EZR: variants seen among roughly 807,000 people sequenced by gnomAD.
The protein encoded by EZR is cytovillin 2.
Under a neutral mutation model 74.8 loss-of-function variants are expected in EZR, and 40 were observed. That is an observed-to-expected ratio of 0.53 (90% confidence interval 0.42 to 0.70). The LOEUF (loss-of-function observed/expected upper bound fraction) is 0.70. Ranked by LOEUF, EZR falls within the 30% of genes least tolerant of loss-of-function variation. The pLI is 0.00. For missense variants in EZR, 678 were observed against 755.8 expected, an observed-to-expected ratio of 0.90 and a Z score of 1.21; for synonymous variants, 341 against 283.3, an observed-to-expected ratio of 1.20 and a Z score of -2.05.
At chr6:158,778,006 A>C (rs911687576) in intron 7 of EZR, among the ~76,000 whole-genome samples, 2 of 152,166 alleles carry the variant, frequency 1.3e-5, no homozygotes, top group African/African-American at 4.8e-5. Flanking sequence ...TCAGAGCATT[A>C]AAGGGGAACT....
chr6:158,801,304 G>A (rs951923444), intron 2 of EZR, among the ~76,000 whole-genome samples: 1 of 152,070 alleles, frequency 6.6e-6, no homozygotes, highest in African/African-American at 2.4e-5. Context: ...TGGTAGAGAC[G>A]GGGTTTCACC....
intron 7 of EZR, among the ~76,000 whole-genome samples, chr6:158,779,518 G>A (rs539029645): frequency 6.6e-6 from 1 of 152,250 alleles, no homozygotes; most frequent in South Asian, 2.1e-4. Flanking sequence ...AAGGGTATAT[G>A]GGAATTATTT....
At chr6:158,769,704 T>C in intron 11 of EZR, 80 bp downstream of exon 11, 4 of 1,552,494 alleles carry the variant, frequency 2.6e-6, no homozygotes, top group Non-Finnish European at 2.6e-6. Context: ...TGACAATTAT[T>C]ACAAGGCAGG....
At chr6:158,787,645 C>T (rs1363246918) in intron 3 of EZR, among the ~76,000 whole-genome samples, 1 of 152,198 alleles carries the variant, frequency 6.6e-6, no homozygotes, top group African/African-American at 2.4e-5. Flanking sequence ...CACACCTGAG[C>T]CTCCTCTGGC....
chr6:158,771,935 G>A (rs1791123736), intron 8 of EZR, among the ~76,000 whole-genome samples: 1 of 152,108 alleles, frequency 6.6e-6, no homozygotes, highest in Non-Finnish European at 1.5e-5. Context: ...CTCCCACACT[G>A]TTATTGCTAC....
At chr6:158,814,016 G>A (rs1777501030) in intron 2 of EZR, among the ~76,000 whole-genome samples, 1 of 152,138 alleles carries the variant, frequency 6.6e-6, no homozygotes, top group Non-Finnish European at 1.5e-5. Flanking sequence ...ACATGAAGGG[G>A]CGGGCAGAGA....
chr6:158,818,027 C>A, intron 2 of EZR, 55 bp downstream of exon 2: 1 of 1,579,426 alleles, frequency 6.3e-7, no homozygotes, highest in South Asian at 1.1e-5. Context: ...GCAGGTGCCT[C>A]CCCTCTCCAA....
chr6:158,783,943 G>T (rs1407426534), intron 6 of EZR, among the ~76,000 whole-genome samples: 1 of 152,164 alleles, frequency 6.6e-6, no homozygotes, highest in African/African-American at 2.4e-5. Flanking sequence ...TTCTCTAACA[G>T]GTTTTTAAGT....
At chr6:158,817,965 C>T in intron 2 of EZR, 117 bp downstream of exon 2, 6 of 985,134 alleles carry the variant, frequency 6.1e-6, no homozygotes, top group South Asian at 1.8e-5. Flanking sequence ...TTCCTATCGT[C>T]TTCTGCGTGT....
chr6:158,769,109 C>G (rs150820308), intron 12 of EZR, among the ~76,000 whole-genome samples: 1 of 152,186 alleles, frequency 6.6e-6, no homozygotes, highest in Non-Finnish European at 1.5e-5. Context: ...TGCACTGACT[C>G]GTGTACAAAG....
Position 158,784,655 on chromosome 6 carries a change from A to G in EZR, c.540T>C (p.Arg180=). 1 of 1,614,012 alleles carries G rather than the reference A, an allele frequency of 6.2e-7. No individual in the cohort carries two copies. Among genetic ancestry groups the G allele is most frequent in the Non-Finnish European group, 8.5e-7 (1 of 1,179,860 alleles). ...GGCACAGCACTCACTTGAGCATCCC[A>G]CGGTGTTCCGCATGCCACACCTGGA... ...DRIQVWHAEH[R]GMLKDNAMLE... The change falls in exon 6 of 14, where the codon CGT becomes CGC. Residue 180 remains arginine (R), a synonymous_variant. Transcript: ENST00000367075.
chr6:158,775,223 G>C (rs780040160), intron 8 of EZR, among the ~76,000 whole-genome samples: 1 of 151,928 alleles, frequency 6.6e-6, no homozygotes, highest in Non-Finnish European at 1.5e-5. Context: ...AGTAGAGATG[G>C]GGTTTTCACT....
Position 158,767,465 on chromosome 6 carries a change from G to A in EZR, c.1392C>T (p.His464=), listed in dbSNP as rs1003792934. 5 of 1,611,056 alleles carry A rather than the reference G, an allele frequency of 3.1e-6. No homozygotes were observed. The highest frequency in any genetic ancestry group is 2.2e-5 in the South Asian group (2 of 90,800). ...GGGGCGGGGGTGCTGTCATCACCAG[G>A]TGCAGCTCCTCCTTGGTCTTCACCA... ...DDLVKTKEEL[H]LVMTAPPPPP... The change falls in exon 13 of 14, where the codon CAC becomes CAT. Residue 464 remains histidine (H), a synonymous_variant. Transcript: ENST00000367075.
At chr6:158,791,705 C>CCTTTTTTT (rs1562499412) in intron 2 of EZR, among the ~76,000 whole-genome samples, 3 of 62,600 alleles carry the variant, frequency 4.8e-5, no homozygotes, top group Admixed American at 2.4e-4. Flanking sequence ...TTTCAGACTC[C>CCTTTTTTT]ATTTTTTTTT....
At chr6:158,805,795 G>A (rs1245047058) in intron 2 of EZR, among the ~76,000 whole-genome samples, 5 of 152,132 alleles carry the variant, frequency 3.3e-5, no homozygotes, top group Non-Finnish European at 5.9e-5. Context: ...GACTGGAAAA[G>A]ACATGGTGTA....
In EZR at chr6:158,785,367, A is replaced by G. The variant is rs747289054; in HGVS notation, c.409T>C (p.Tyr137His). ...SYAVQAKFGD[Y>H]NKEVHKSGYL... ...CCAGACTTGTGCACTTCTTTGTTGT[A>G]GTCCCCAAACTTGGCCTGCACAGCG... is the stretch of plus-strand genomic sequence containing the variant. Residue 137 changes from tyrosine to histidine, a missense_variant, in exon 5 of 14, where the codon TAC becomes CAC. By Grantham distance (83) the Tyr-to-His change is moderately conservative (BLOSUM62 2). Coordinates refer to ENST00000367075, the MANE Select transcript of EZR (RefSeq NM_001111077.2). 1.9e-6 allele frequency: 3 copies of G among 1,614,094 alleles called. No homozygotes were observed. Among genetic ancestry groups the G allele is most frequent in the Non-Finnish European group, 2.5e-6 (3 of 1,180,046 alleles).
intron 5 of EZR, 114 bp from the exon 6 acceptor site, chr6:158,784,841 C>T: frequency 1.2e-6 from 1 of 812,168 alleles, no homozygotes; most frequent in Admixed American, 2.3e-5. Flanking sequence ...TCAATCAATC[C>T]CAAAGAGCTT....
At chr6:158,818,757 G>A (rs1777624161) in intron 1 of EZR, among the ~76,000 whole-genome samples, 1 of 146,002 alleles carries the variant, frequency 6.8e-6, no homozygotes, top group Admixed American at 6.9e-5. Context: ...GGGGCAGGAG[G>A]AACACCTAGG....
intron 2 of EZR, among the ~76,000 whole-genome samples, chr6:158,803,554 T>TATACATAC (rs1554274843): frequency 3.0e-4 from 1 of 3,286 alleles, no homozygotes; most frequent in Non-Finnish European, 6.0e-4. Context: ...TGTATATATA[T>TATACATAC]ATATATATAT....
Sources: gnomAD v4.1 joint callset for allele counts (sites outside exome capture counted in the v4.1 genomes callset) on GRCh38, gnomAD v4.1.1 for gene constraint, MANE v1.5 for transcripts, NCBI Gene and HGNC (gene_info 2026-07-23, HGNC 2026-07-21) for gene names.